Variants in TMEM207 observed in about 807,000 individuals in gnomAD.
The protein encoded by TMEM207 is transmembrane protein 207.
TMEM207 carries 15 observed loss-of-function variants against 17.4 expected under a neutral mutation model. That is an observed-to-expected ratio of 0.86 (90% CI 0.58 to 1.33). The LOEUF is 1.33. Among genes scored for constraint, TMEM207 ranks in the 40% most tolerant of loss-of-function variants. The pLI, the probability that TMEM207 is intolerant of heterozygous loss-of-function variation, is 0.00. For synonymous variants in TMEM207, 70 were observed against 65.6 expected, an observed-to-expected ratio of 1.07 and a Z score of -0.33; for missense variants, 205 against 173.8, an observed-to-expected ratio of 1.18 and a Z score of -1.01.
chr3:190,448,765 C>T (rs1720102381), intron 1 of TMEM207, among the ~76,000 whole-genome samples: 1 of 152,068 alleles, frequency 6.6e-6, no homozygotes, highest in Non-Finnish European at 1.5e-5. Flanking sequence ...GTCTTTTCCC[C>T]CCTTAATCCC....
At chr3:190,437,316 C>T (rs565114379) in intron 4 of TMEM207, among the ~76,000 whole-genome samples, 1 of 152,250 alleles carries the variant, frequency 6.6e-6, no homozygotes, top group Admixed American at 6.5e-5. Flanking sequence ...TCACTGGTTC[C>T]CTAGCCCCAA....
intron 4 of TMEM207, among the ~76,000 whole-genome samples, chr3:190,430,976 A>T (rs1362713367): frequency 6.6e-5 from 10 of 152,272 alleles, no homozygotes; most frequent in East Asian, 5.8e-4. Context: ...CCATACGGAG[A>T]TTACTCAAAA....
Position 190,441,002 on chromosome 3 carries a change from G to A in TMEM207, c.158+436C>T, listed in dbSNP as rs372158044. 1.4e-3 allele frequency among the ~76,000 whole-genome samples: 212 copies of A among 152,232 alleles called. 1 individual carries two copies. The highest frequency in any genetic ancestry group is 6.8e-3 in the Middle Eastern group (2 of 294). ...GAGAATGGCGGGAACCCGGGAGGCGGAGCTTGCATTGAGCCGAGATGGCGC... is the reference window on the plus strand; with the variant it reads ...GAGAATGGCGGGAACCCGGGAGGCGAAGCTTGCATTGAGCCGAGATGGCGC... On this transcript the variant is annotated intron_variant, in intron 3 of 4. Coordinates refer to ENST00000354905, the MANE Select transcript of TMEM207 (RefSeq NM_207316.3).
intron 2 of TMEM207, among the ~76,000 whole-genome samples, chr3:190,443,234 C>T (rs1194900820): frequency 1.4e-5 from 2 of 144,888 alleles, no homozygotes; most frequent in African/African-American, 5.1e-5. Context: ...ATTATTTCAT[C>T]TTCCTCCTCT....
intron 2 of TMEM207, among the ~76,000 whole-genome samples, chr3:190,445,547 A>G (rs1720026170): frequency 6.6e-6 from 1 of 152,232 alleles, no homozygotes; most frequent in African/African-American, 2.4e-5. Flanking sequence ...GTTATTTGAG[A>G]CGGAGTCTCG....
chr3:190,433,796 C>T (rs147147940), intron 4 of TMEM207, among the ~76,000 whole-genome samples: 6,882 of 151,948 alleles, frequency 0.045, 219 homozygotes, highest in Non-Finnish European at 0.066. Context: ...AGACGGGGCC[C>T]GGTGGGAGTT....
At chr3:190,437,236 G>T (rs1377633773) in intron 4 of TMEM207, among the ~76,000 whole-genome samples, 2 of 152,202 alleles carry the variant, frequency 1.3e-5, no homozygotes, top group African/African-American at 2.4e-5. Flanking sequence ...GAAAAGTCTA[G>T]GTGTTCAAAT....
intron 2 of TMEM207, among the ~76,000 whole-genome samples, chr3:190,446,244 G>T (rs1166747963): frequency 6.6e-6 from 1 of 152,166 alleles, no homozygotes; most frequent in Non-Finnish European, 1.5e-5. Context: ...TCAGATCAAA[G>T]AAGTGATTTG....
chr3:190,448,400 A>C (rs1720096219), intron 1 of TMEM207, among the ~76,000 whole-genome samples: 1 of 152,166 alleles, frequency 6.6e-6, no homozygotes, highest in Non-Finnish European at 1.5e-5. Context: ...GAAAAAAAGT[A>C]ATCATCTTTG....
chr3:190,437,875 T>G (rs1274577787), intron 4 of TMEM207, among the ~76,000 whole-genome samples: 1 of 150,874 alleles, frequency 6.6e-6, no homozygotes, highest in Admixed American at 6.6e-5. Context: ...TAGACTGGAT[T>G]AAGAAAATGT....
Position 190,449,851 on chromosome 3 carries a change from T to C in TMEM207, c.-42A>G, listed in dbSNP as rs1227062296. On this transcript the variant is annotated 5_prime_UTR_variant, in exon 1 of 5. Coordinates refer to ENST00000354905, the MANE Select transcript of TMEM207 (RefSeq NM_207316.3). ...ACTTAGGATAGTGGTTTGGTGCCTGTGTTTATTTCCTTCTTTCTCAGAACT... is the reference window on the plus strand; with the variant it reads ...ACTTAGGATAGTGGTTTGGTGCCTGCGTTTATTTCCTTCTTTCTCAGAACT... 3 of 1,570,918 alleles carry C rather than the reference T, an allele frequency of 1.9e-6. No individual in the cohort carries two copies. Among genetic ancestry groups the C allele is most frequent in the South Asian group, 2.2e-5 (2 of 90,008 alleles).
At chr3:190,435,032 C>T (rs1719770453) in intron 4 of TMEM207, among the ~76,000 whole-genome samples, 1 of 152,178 alleles carries the variant, frequency 6.6e-6, no homozygotes, top group African/African-American at 2.4e-5. Context: ...TTCTCCTTCT[C>T]TGCCTTCTTG....
chr3:190,441,440 G>C lies in TMEM207; in HGVS notation c.156C>G (p.Ile52Met), dbSNP rs1208361001. The C allele has an allele frequency of 5.6e-6, 9 of 1,610,344 alleles. No individual in the cohort carries two copies. Among genetic ancestry groups the C allele is most frequent in the Non-Finnish European group, 7.6e-6 (9 of 1,177,070 alleles). ...AAACAAATGGAAGATATCCTTACCAGATATACCAGCCATTAGGGTGTTGGT... is the reference window on the plus strand; with the variant it reads ...AAACAAATGGAAGATATCCTTACCACATATACCAGCCATTAGGGTGTTGGT... ...YNDQHPNGWY[I>M]WILLLLVLVA... is the part of the protein sequence containing the mutation. Residue 52 changes from isoleucine (I) to methionine (M), a missense_variant and splice_region_variant, in exon 3 of 5, where the codon ATC becomes ATG. Transcript: ENST00000354905.
In TMEM207 at chr3:190,442,676, G is replaced by GA. The variant is rs756506427; in HGVS notation, c.114-1195dup. Among the ~76,000 whole-genome samples, 811 of 143,110 alleles carry GA rather than the reference G, an allele frequency of 5.7e-3. 4 individuals are homozygous for GA. Among genetic ancestry groups the GA allele is most frequent in the African/African-American group, 8.0e-3 (314 of 39,194 alleles). 93.9% of individuals were successfully genotyped at this position (143,110 alleles called of 152,430 possible). ...TTAGCAAAATTCACAGGTATGGCTG[G>GA]AAAAAAAAAAATGGCAACTGAAGTG... On this transcript the variant is annotated intron_variant, in intron 2 of 4. Coordinates refer to ENST00000354905, the MANE Select transcript of TMEM207 (RefSeq NM_207316.3).
chr3:190,440,250 T>C lies in TMEM207; in HGVS notation c.298A>G (p.Ile100Val), dbSNP rs139354096. 589 of 1,613,378 alleles carry C rather than the reference T, an allele frequency of 3.7e-4. 1 individual carries two copies. The African/African-American group carries it at 7.2e-3, about 20-fold the overall frequency. Residue 100 changes from isoleucine (I) to valine (V), a missense_variant, in exon 4 of 5, where the codon ATT (isoleucine) becomes GTT (valine). Transcript: ENST00000354905. ...AVFAVGDLDS[I>V]YGTEAAVSPT... ...AAGCGTGCAGACAACTCACCATAAA[T>C]AGAGTCCAAGTCTCCAACAGCAAAA...
At chr3:190,449,607 A>G in intron 1 of TMEM207, 128 bp downstream of exon 1, 1 of 805,828 alleles carries the variant, frequency 1.2e-6, no homozygotes, top group Non-Finnish European at 2.0e-6. Flanking sequence ...GATGCTAGTA[A>G]AGCTTGAAGG....
At chr3:190,431,104 G>A (rs1719682842) in intron 4 of TMEM207, among the ~76,000 whole-genome samples, 1 of 152,076 alleles carries the variant, frequency 6.6e-6, no homozygotes, top group South Asian at 2.1e-4. Flanking sequence ...AGTATGTAAA[G>A]GGTGGAGCTG....
At chr3:190,429,791 G>C (rs1256841984) in intron 4 of TMEM207, 60 bp from the exon 5 acceptor site, 1 of 1,472,950 alleles carries the variant, frequency 6.8e-7, no homozygotes. Context: ...ATAAGTACAT[G>C]AACTGCCCGA....
chr3:190,436,750 T>C (rs1426037164), intron 4 of TMEM207, among the ~76,000 whole-genome samples: 1 of 152,224 alleles, frequency 6.6e-6, no homozygotes, highest in Non-Finnish European at 1.5e-5. Context: ...TCTTAAAATA[T>C]TGACTGCCTG....
Sources: gnomAD v4.1 joint callset for allele counts (sites outside exome capture counted in the v4.1 genomes callset) on GRCh38, gnomAD v4.1.1 for gene constraint, MANE v1.5 for transcripts, NCBI Gene and HGNC (gene_info 2026-07-23, HGNC 2026-07-21) for gene names.